Variants in SGCD observed in about 807,000 individuals in gnomAD.
The protein encoded by SGCD is delta-sarcoglycan.
Under a neutral mutation model 36.6 loss-of-function variants are expected in SGCD, and 18 were observed. The observed-to-expected ratio is 0.49, with a 90% CI of 0.34 to 0.73. The LOEUF (loss-of-function observed/expected upper bound fraction) is 0.73, where lower values mean the gene tolerates loss of function less well. Ranked by LOEUF, SGCD falls within the 30% of genes least tolerant of loss-of-function variation. The probability of loss-of-function intolerance (pLI) is 0.01; values close to 1 mark genes in which losing one functional copy is unlikely to be tolerated. For synonymous variants in SGCD, 133 were observed against 130.6 expected, an observed-to-expected ratio of 1.02 and a Z score of -0.12; for missense variants, 387 against 346.7, an observed-to-expected ratio of 1.12 and a Z score of -0.92.
intron 6 of SGCD, among the ~76,000 whole-genome samples, chr5:156,612,950 T>A (rs1012035734): frequency 6.6e-6 from 1 of 152,160 alleles, no homozygotes; most frequent in Non-Finnish European, 1.5e-5. Context: ...ACTATAGGTG[T>A]GTGTAGCAGT....
the SGCD span, among the ~76,000 whole-genome samples, chr5:155,851,514 G>A: frequency 0.026 from 3,987 of 152,254 alleles, 69 homozygotes; most frequent in Non-Finnish European, 0.041. Context: ...ACCAGTGGAG[G>A]AATATGGTGT....
intron 3 of SGCD, among the ~76,000 whole-genome samples, chr5:156,430,658 G>GT (rs372286753): frequency 8.6e-5 from 13 of 151,336 alleles, no homozygotes; most frequent in Admixed American, 2.6e-4. Flanking sequence ...TTTGGACTAT[G>GT]TTTTTTTTTA....
intron 3 of SGCD, among the ~76,000 whole-genome samples, chr5:156,423,353 T>TA (rs1561685801): frequency 3.8e-5 from 1 of 26,152 alleles, no homozygotes; most frequent in East Asian, 9.6e-4. Context: ...TATTATAATT[T>TA]TATTATAATA....
chr5:156,221,668 A>G (rs1171392996), intron 3 of SGCD, among the ~76,000 whole-genome samples: 1 of 152,100 alleles, frequency 6.6e-6, no homozygotes, highest in East Asian at 1.9e-4. Context: ...TCTCATTATT[A>G]TTGGAGATTT....
rs576786239 is a variant in SGCD at position 156,348,921 on chromosome 5, C to T, written c.192+4244C>T. Among the ~76,000 whole-genome samples, 51 of 151,822 alleles carry T rather than the reference C, an allele frequency of 3.4e-4. No individual in the cohort carries two copies. In the South Asian group the frequency reaches 6.7e-3, roughly 20 times the overall value. On this transcript the variant is annotated intron_variant, in intron 3 of 8. Transcript: ENST00000337851. ...AAGTAGACACATTGACCAATGGAACCGAAGAGAGAACCGAGAAATAAAACC... is the reference window on the plus strand; with the variant it reads ...AAGTAGACACATTGACCAATGGAACTGAAGAGAGAACCGAGAAATAAAACC...
intron 3 of SGCD, among the ~76,000 whole-genome samples, chr5:156,508,240 T>C (rs1038736385): frequency 1.6e-4 from 25 of 152,254 alleles, no homozygotes; most frequent in African/African-American, 6.0e-4. Flanking sequence ...GTTCTGGAAA[T>C]AGGATCTTTC....
intron 3 of SGCD, among the ~76,000 whole-genome samples, chr5:156,351,603 GTCATCATCATCATCATCATCA>G (rs141077881): frequency 1.3e-5 from 2 of 149,100 alleles, no homozygotes; most frequent in Non-Finnish European, 3.0e-5. Context: ...TATCGTCGTA[GTCATCATCATCATCATCATCA>G]TCATCATCAT....
chr5:156,292,011 G>A (rs1224960867), intron 3 of SGCD, among the ~76,000 whole-genome samples: 1 of 151,902 alleles, frequency 6.6e-6, no homozygotes, highest in Non-Finnish European at 1.5e-5. Flanking sequence ...CCCCACCCCA[G>A]CCACTAGTAA....
chr5:156,026,960 A>G (rs1227989065), intron 1 of SGCD, among the ~76,000 whole-genome samples: 8 of 152,200 alleles, frequency 5.3e-5, no homozygotes, highest in Non-Finnish European at 1.5e-5. Context: ...CTGTGTTTCA[A>G]TAAAGCTTTA....
chr5:156,703,584 C>A (rs941762654), intron 7 of SGCD, among the ~76,000 whole-genome samples: 1 of 152,000 alleles, frequency 6.6e-6, no homozygotes, highest in Non-Finnish European at 1.5e-5. Flanking sequence ...CAATTTTATA[C>A]CATGCTAGGC....
At chr5:156,720,563 T>C (rs1480160855) in intron 7 of SGCD, among the ~76,000 whole-genome samples, 1 of 152,078 alleles carries the variant, frequency 6.6e-6, no homozygotes, top group Non-Finnish European at 1.5e-5. Flanking sequence ...CCAGATGCAA[T>C]GAAGCATTCT....
intron 7 of SGCD, among the ~76,000 whole-genome samples, chr5:156,750,887 C>T (rs569176292): frequency 6.6e-6 from 1 of 152,134 alleles, no homozygotes; most frequent in African/African-American, 2.4e-5. Flanking sequence ...TTTTCAATAG[C>T]TACAAAAGAT....
At chr5:155,884,440 C>T (rs1755961164) in intron 1 of SGCD, among the ~76,000 whole-genome samples, 1 of 152,200 alleles carries the variant, frequency 6.6e-6, no homozygotes. Context: ...CATCATCAAG[C>T]TTTCCAATAT....
chr5:156,623,942 T>C lies in SGCD; in HGVS notation c.503-23522T>C, dbSNP rs139110658. Among the ~76,000 whole-genome samples the C allele has an allele frequency of 1.3e-4, 20 of 152,282 alleles. No individual in the cohort carries two copies. In the East Asian group the frequency reaches 3.9e-3, roughly 29 times the overall value. ...AAGCAAGGTCCTCTGGCCTAATTCT[T>C]CCTCCAAGGACTCTGAAGATACATC... On this transcript the variant is annotated intron_variant, in intron 6 of 8. Transcript: ENST00000337851.
chr5:156,451,494 C>A (rs572362236), intron 3 of SGCD, among the ~76,000 whole-genome samples: 45 of 152,202 alleles, frequency 3.0e-4, no homozygotes, highest in Non-Finnish European at 4.4e-5. Context: ...AACTTCCCAT[C>A]GGAGTCCATT....
At chr5:155,978,930 T>TA (rs1327076368) in intron 1 of SGCD, among the ~76,000 whole-genome samples, 2 of 152,170 alleles carry the variant, frequency 1.3e-5, no homozygotes, top group Non-Finnish European at 2.9e-5. Context: ...GATCTGGTTT[T>TA]AAAAAACTGT....
chr5:156,696,061 T>C (rs1460493001), intron 7 of SGCD, among the ~76,000 whole-genome samples: 1 of 152,224 alleles, frequency 6.6e-6, no homozygotes, highest in Non-Finnish European at 1.5e-5. Flanking sequence ...TTCTGGGTAC[T>C]TGGGAAATTC....
At chr5:156,502,258 G>A (rs570698802) in intron 3 of SGCD, among the ~76,000 whole-genome samples, 2 of 152,146 alleles carry the variant, frequency 1.3e-5, no homozygotes, top group African/African-American at 4.8e-5. Context: ...ATGTTAGCCA[G>A]GATGGTCTCG....
At chr5:156,546,756 G>A (rs1219488851) in intron 4 of SGCD, among the ~76,000 whole-genome samples, 2 of 152,200 alleles carry the variant, frequency 1.3e-5, no homozygotes, top group Non-Finnish European at 2.9e-5. Context: ...GCTAAAATTT[G>A]AGGCACAGGA....
Sources: gnomAD v4.1 joint callset for allele counts (sites outside exome capture counted in the v4.1 genomes callset) on GRCh38, gnomAD v4.1.1 for gene constraint, MANE v1.5 for transcripts, NCBI Gene and HGNC (gene_info 2026-07-23, HGNC 2026-07-21) for gene names.